Variants in LIN28B observed in about 807,000 individuals in gnomAD.
LIN28B encodes the protein protein lin-28 homolog B.
Under a neutral mutation model 21.9 loss-of-function variants are expected in LIN28B, and 5 were observed. The observed-to-expected ratio is 0.23, with a 90% CI of 0.12 to 0.48. The LOEUF is 0.48. LIN28B is among the 20% of genes least tolerant of loss of function. LIN28B has a pLI of 0.98. For synonymous variants in LIN28B, 109 were observed against 111.3 expected (o/e 0.98, Z 0.13); for missense variants, 245 against 310.5 (o/e 0.79, Z 1.58).
rs116915136 is a variant in LIN28B, at chr6:104,980,584, G to T, written c.198+22298G>T. Reference sequence around the variant, plus strand: ...TGGCAAATGTACTTCAGGGTCTGTCGTGTGTTACAGATATTTAAAACTGAT... The same window carrying T: ...TGGCAAATGTACTTCAGGGTCTGTCTTGTGTTACAGATATTTAAAACTGAT... On this transcript the variant is annotated intron_variant, in intron 2 of 3. Transcript: ENST00000345080. Among the ~76,000 whole-genome samples the T allele has an allele frequency of 1.1e-3, 170 of 152,218 alleles. 1 individual carries two copies. In the East Asian group the frequency reaches 0.031, roughly 27 times the overall value.
In LIN28B at chr6:105,078,552, G is replaced by A. The variant is rs774036100; in HGVS notation, c.522G>A (p.Ala174=). Residue 174 remains alanine, a synonymous_variant, in exon 4 of 4, where the codon GCG becomes GCA. Coordinates refer to ENST00000345080, the MANE Select transcript of LIN28B (RefSeq NM_001004317.4). ...CPHKNVAQPP[A]SSQGRQEAES... ...ATAAAAATGTTGCACAGCCACCCGC[G>A]AGTTCTCAGGGAAGACAGGAAGCAG... 4 of 1,614,108 alleles carry A rather than the reference G, an allele frequency of 2.5e-6. No homozygotes were observed. Among genetic ancestry groups the A allele is most frequent in the Middle Eastern group, 1.6e-4 (1 of 6,062 alleles).
intron 2 of LIN28B, among the ~76,000 whole-genome samples, chr6:105,006,757 T>C (rs1770823614): frequency 6.6e-6 from 1 of 152,208 alleles, no homozygotes; most frequent in Non-Finnish European, 1.5e-5. Flanking sequence ...AAGATGGATC[T>C]TGAAACTTGC....
chr6:104,964,350 TA>T (rs1769813574), intron 2 of LIN28B, among the ~76,000 whole-genome samples: 1 of 152,216 alleles, frequency 6.6e-6, no homozygotes, highest in Non-Finnish European at 1.5e-5. Flanking sequence ...TTCTTACTTC[TA>T]AACTGAGAAT....
At chr6:105,048,695 C>T (rs1354559832) in intron 3 of LIN28B, among the ~76,000 whole-genome samples, 1 of 152,130 alleles carries the variant, frequency 6.6e-6, no homozygotes, top group Non-Finnish European at 1.5e-5. Context: ...AATCTCAGAT[C>T]CTGTTATCGG....
intron 2 of LIN28B, among the ~76,000 whole-genome samples, chr6:105,000,165 ATG>A (rs67031831): frequency 0.47 from 71,325 of 151,670 alleles, 18,604 homozygotes; most frequent in East Asian, 0.69. Flanking sequence ...TGGTCTTAAA[ATG>A]TTCAATTCTA....
exon 3 of LIN28B, chr6:104,950,506 C>A: frequency 1.6e-6 from 2 of 1,226,854 alleles, no homozygotes; most frequent in Non-Finnish European, 2.0e-6. Context: ...TTCATCAGCC[C>A]CAGGTTAGTC....
At chr6:105,075,496 C>A (rs1042561135) in intron 3 of LIN28B, among the ~76,000 whole-genome samples, 2 of 152,132 alleles carry the variant, frequency 1.3e-5, no homozygotes, top group African/African-American at 4.8e-5. Flanking sequence ...AAATACCACT[C>A]CTCCCCCTTT....
chr6:105,016,717 A>G (rs1329372291), intron 2 of LIN28B, among the ~76,000 whole-genome samples: 1 of 152,126 alleles, frequency 6.6e-6, no homozygotes, highest in African/African-American at 2.4e-5. Context: ...CATGTAAATG[A>G]AAAATTATGA....
chr6:104,964,271 TC>T (rs1471930419), intron 2 of LIN28B, among the ~76,000 whole-genome samples: 2 of 152,176 alleles, frequency 1.3e-5, no homozygotes, highest in Non-Finnish European at 2.9e-5. Context: ...CAAGAGATAC[TC>T]CCTCCTCAGC....
intron 2 of LIN28B, among the ~76,000 whole-genome samples, chr6:104,937,462 A>T (rs1778023691): frequency 6.6e-6 from 1 of 151,794 alleles, no homozygotes. Flanking sequence ...AGACGGTTTC[A>T]CCATGCTGGT....
chr6:104,998,404 T>C (rs1294709276), intron 2 of LIN28B, among the ~76,000 whole-genome samples: 3 of 152,138 alleles, frequency 2.0e-5, no homozygotes, highest in Non-Finnish European at 4.4e-5. Context: ...CCAAAATAAT[T>C]TAGGATTAGC....
chr6:105,060,612 A>G (rs932797503), intron 3 of LIN28B, among the ~76,000 whole-genome samples: 5 of 152,306 alleles, frequency 3.3e-5, no homozygotes, highest in Non-Finnish European at 7.3e-5. Flanking sequence ...CCAAATAGAC[A>G]GGAAGCTGAG....
upstream of LIN28B, among the ~76,000 whole-genome samples, chr6:104,954,545 C>T (rs1318699574): frequency 7.2e-5 from 11 of 152,100 alleles, no homozygotes. Context: ...CTTTCTTTTA[C>T]CCTCCCCCAA....
At chr6:105,006,058 G>A (rs1182459444) in intron 2 of LIN28B, among the ~76,000 whole-genome samples, 1 of 151,904 alleles carries the variant, frequency 6.6e-6, no homozygotes, top group African/African-American at 2.4e-5. Context: ...CCTTTTTTCT[G>A]TTTGCTTGTT....
intron 3 of LIN28B, among the ~76,000 whole-genome samples, chr6:105,045,298 T>G (rs1302461647): frequency 6.8e-6 from 1 of 147,782 alleles, no homozygotes; most frequent in Non-Finnish European, 1.5e-5. Flanking sequence ...TTTTTTTTTT[T>G]TTTTTGAGAT....
chr6:104,979,865 C>G (rs1018961278), intron 2 of LIN28B, among the ~76,000 whole-genome samples: 2 of 152,048 alleles, frequency 1.3e-5, no homozygotes, highest in Non-Finnish European at 2.9e-5. Context: ...TTATTTCTTA[C>G]TTTGGTCCAC....
intron 3 of LIN28B, among the ~76,000 whole-genome samples, chr6:105,059,039 A>G (rs995066261): frequency 5.9e-5 from 9 of 152,248 alleles, no homozygotes; most frequent in African/African-American, 2.2e-4. Context: ...TACTGGCGCT[A>G]TGGTTTAATT....
At chr6:104,997,554 C>CCA (rs949010921) in intron 2 of LIN28B, among the ~76,000 whole-genome samples, 27 of 150,918 alleles carry the variant, frequency 1.8e-4, no homozygotes, top group Admixed American at 3.3e-4. Flanking sequence ...CCCCCCCCCG[C>CCA]CACACACACA....
intron 2 of LIN28B, chr6:104,940,966 TCC>T (rs1012669097): frequency 1.3e-5 from 2 of 150,946 alleles, no homozygotes; most frequent in African/African-American, 4.9e-5. Context: ...TCACACCCTC[TCC>T]CCCTCTCACA....
Sources: gnomAD v4.1 joint callset for allele counts (sites outside exome capture counted in the v4.1 genomes callset) on GRCh38, gnomAD v4.1.1 for gene constraint, MANE v1.5 for transcripts, NCBI Gene and HGNC (gene_info 2026-07-23, HGNC 2026-07-21) for gene names.